The following SIK2 variants were observed in gnomAD, a reference collection of about 807,000 sequenced individuals.
SIK2 encodes salt inducible kinase 2, also known as serine/threonine-protein kinase SIK2.
Under a neutral mutation model 103.2 loss-of-function variants are expected in SIK2, and 29 were observed. The observed-to-expected ratio is 0.28, with a 90% CI of 0.21 to 0.38. The LOEUF is 0.38. Among genes scored for constraint, SIK2 ranks in the 10% least tolerant of loss-of-function variants. The pLI is 1.00. For missense variants in SIK2, 879 were observed against 1,171.0 expected, an observed-to-expected ratio of 0.75 and a Z score of 3.64; for synonymous variants, 412 against 446.1, an observed-to-expected ratio of 0.92 and a Z score of 0.96.
At chr11:111,604,957 AT>A (rs11412519) in intron 1 of SIK2, among the ~76,000 whole-genome samples, 74,227 of 133,802 alleles carry the variant, frequency 0.55, 22,075 homozygotes, top group East Asian at 0.92. Context: ...GTTGCTCTGA[AT>A]TTTTTTTTTT....
At chr11:111,615,751 A>G (rs1311078358) in intron 1 of SIK2, among the ~76,000 whole-genome samples, 3 of 152,186 alleles carry the variant, frequency 2.0e-5, no homozygotes, top group African/African-American at 7.2e-5. Flanking sequence ...TTCTCATGTA[A>G]TGAGTTTTAA....
rs895343575 is a variant in SIK2 at position 111,602,960 on chromosome 11, C to G, written c.135+262C>G. On this transcript the variant is annotated intron_variant, in intron 1 of 14. Coordinates refer to ENST00000304987, the MANE Select transcript of SIK2 (RefSeq NM_015191.3). The surrounding 1 kb of genome is among the most constrained non-coding windows in gnomAD (Gnocchi z 4.5). ...GGGGCTTTGCTTTCCCCTACGCCAC[C>G]CCCGGTGGCCACCCGGAATTTCGCC... Among the ~76,000 whole-genome samples the G allele has an allele frequency of 1.1e-4, 16 of 152,136 alleles. No individual in the cohort carries two copies. Among genetic ancestry groups the G allele is most frequent in the African/African-American group, 3.4e-4 (14 of 41,448 alleles).
rs1314574026 is a variant in SIK2, at chr11:111,728,992, T to TAA, written c.*4865_*4866dup. ...TCTAAACTGGACAAAGAGATTTTCT[T>TAA]AAAGTTTCTATCATCTCCCTTCTGA... On this transcript the variant is annotated 3_prime_UTR_variant, in exon 15 of 15. Coordinates refer to ENST00000304987, the MANE Select transcript of SIK2 (RefSeq NM_015191.3). The TAA allele has an allele frequency of 6.6e-6, 1 of 152,202 alleles. No individual in the cohort carries two copies. The highest frequency in any genetic ancestry group is 2.4e-5 in the African/African-American group (1 of 41,442). 9.4% of individuals were successfully genotyped at this position (152,202 alleles called of 1,614,324 possible). A position where few individuals can be genotyped will look rare whatever the true frequency, so the allele number is the denominator to read the frequency against.
chr11:111,660,591 C>A (rs1182346543), intron 3 of SIK2, among the ~76,000 whole-genome samples: 1 of 152,162 alleles, frequency 6.6e-6, no homozygotes, highest in Non-Finnish European at 1.5e-5. Flanking sequence ...CTTCTGAAAT[C>A]TTATAGATAC....
intron 4 of SIK2, among the ~76,000 whole-genome samples, chr11:111,699,687 T>G (rs1487480553): frequency 2.0e-5 from 3 of 152,244 alleles, no homozygotes; most frequent in African/African-American, 7.2e-5. Context: ...GCTAAGAGAA[T>G]GCTTTGCCTA....
intron 11 of SIK2, 23 bp from the exon 12 acceptor site, chr11:111,720,876 T>G: frequency 6.2e-7 from 1 of 1,610,474 alleles, no homozygotes; most frequent in Non-Finnish European, 8.5e-7. Flanking sequence ...GTTAAACTGT[T>G]TGGTCTTGGT....
chr11:111,661,296 A>AT (rs1211573493), intron 3 of SIK2, among the ~76,000 whole-genome samples: 1 of 152,158 alleles, frequency 6.6e-6, no homozygotes, highest in Non-Finnish European at 1.5e-5. Flanking sequence ...TGACTGATTG[A>AT]TTTTTTATAA....
At chr11:111,715,607 T>G (rs184000123) in intron 9 of SIK2, among the ~76,000 whole-genome samples, 1 of 152,154 alleles carries the variant, frequency 6.6e-6, no homozygotes, top group Admixed American at 6.5e-5. Context: ...CTGAGATAGT[T>G]GCCCAACTCT....
chr11:111,715,793 C>CTTTTTATTT (rs1943624121), intron 9 of SIK2, among the ~76,000 whole-genome samples: 1 of 81,580 alleles, frequency 1.2e-5, no homozygotes, highest in Non-Finnish European at 2.2e-5. Flanking sequence ...TCATTTTTAG[C>CTTTTTATTT]TTTTTTTTTT....
At chr11:111,696,921 A>C (rs191212517) in intron 4 of SIK2, among the ~76,000 whole-genome samples, 6 of 152,286 alleles carry the variant, frequency 3.9e-5, no homozygotes, top group Admixed American at 3.3e-4. Flanking sequence ...CACTATATGC[A>C]TTTAGGCAGA....
intron 3 of SIK2, among the ~76,000 whole-genome samples, chr11:111,624,999 G>T (rs1166875778): frequency 2.0e-5 from 3 of 152,058 alleles, no homozygotes; most frequent in Non-Finnish European, 2.9e-5. Flanking sequence ...GTGTCCAAGG[G>T]GTAACAGGGA....
chr11:111,649,693 A>G (rs1380315955), intron 3 of SIK2, among the ~76,000 whole-genome samples: 1 of 152,160 alleles, frequency 6.6e-6, no homozygotes, highest in East Asian at 1.9e-4. Context: ...AAATGGTAAC[A>G]TACAATGCAG....
At chr11:111,634,802 G>A (rs763958141) in intron 3 of SIK2, among the ~76,000 whole-genome samples, 3 of 152,182 alleles carry the variant, frequency 2.0e-5, no homozygotes, top group Admixed American at 6.5e-5. Context: ...GGCACATGTT[G>A]TATGGGTTTT....
intron 3 of SIK2, among the ~76,000 whole-genome samples, chr11:111,674,095 A>G (rs1942666576): frequency 6.6e-6 from 1 of 151,972 alleles, no homozygotes; most frequent in Non-Finnish European, 1.5e-5. Context: ...AAAAAAAGAA[A>G]AAAAAAAGCT....
rs559922779 is a variant in SIK2 at position 111,616,466 on chromosome 11, A to C, written c.252+107A>C. ...GTTTTTCTAATCAATGAAAGAAAAT[A>C]AATGTATGCTATTTGTTACTAAGTA... is the stretch of plus-strand genomic sequence containing the variant. On this transcript the variant is annotated intron_variant, in intron 2 of 14. Coordinates refer to ENST00000304987, the MANE Select transcript of SIK2 (RefSeq NM_015191.3). The C allele has an allele frequency of 1.4e-5, 10 of 703,712 alleles. No homozygotes were observed. The South Asian group carries it at 1.8e-4, about 13-fold the overall frequency. The allele number at this position is 703,712 out of a possible 1,614,324, so 43.6% of individuals were successfully genotyped here. A position where few individuals can be genotyped will look rare whatever the true frequency, so the allele number is the denominator to read the frequency against.
chr11:111,668,464 G>A (rs1942579741), intron 3 of SIK2, among the ~76,000 whole-genome samples: 1 of 152,184 alleles, frequency 6.6e-6, no homozygotes, highest in Admixed American at 6.5e-5. Flanking sequence ...CAAGGGTTAA[G>A]GTTTGGTTTT....
rs185846689 is a variant in SIK2, at chr11:111,729,265, T to G, written c.*5136T>G. The G allele has an allele frequency of 6.6e-6, 1 of 152,322 alleles. No homozygotes were observed. The highest frequency in any genetic ancestry group is 2.4e-5 in the African/African-American group (1 of 41,458). 9.4% of individuals were successfully genotyped at this position (152,322 alleles called of 1,614,324 possible). On this transcript the variant is annotated 3_prime_UTR_variant, in exon 15 of 15. Transcript: ENST00000304987. ...CCTATCAGCAGACTCAGGCACACAC[T>G]GGGGCACAGATAGAGAACCAGGCGG... is the stretch of plus-strand genomic sequence containing the variant.
At chr11:111,607,355 GT>G (rs1293486718) in intron 1 of SIK2, among the ~76,000 whole-genome samples, 2 of 152,118 alleles carry the variant, frequency 1.3e-5, no homozygotes, top group Admixed American at 1.3e-4. Context: ...TTTTTAAAAG[GT>G]TTTCAGAATT....
At chr11:111,699,729 G>A (rs942650969) in intron 4 of SIK2, among the ~76,000 whole-genome samples, 1 of 152,198 alleles carries the variant, frequency 6.6e-6, no homozygotes, top group East Asian at 1.9e-4. Context: ...CTCAAGGTAT[G>A]AATGGAGTGA....
Sources: allele counts gnomAD v4.1 joint callset (sites outside exome capture counted in the v4.1 genomes callset), GRCh38; gene constraint gnomAD v4.1.1; non-coding constraint Gnocchi (gnomAD v3.1); transcripts MANE v1.5; gene names NCBI Gene and HGNC (gene_info 2026-07-23, HGNC 2026-07-21).